The following GAS7 variants were observed in gnomAD, a reference collection of about 807,000 sequenced individuals.
The protein encoded by GAS7 is growth arrest-specific protein 7.
A neutral mutation model predicts 71.1 loss-of-function variants in GAS7; 28 were observed. That is an observed-to-expected ratio of 0.39 (90% CI 0.29 to 0.54). GAS7 has a LOEUF of 0.54. Ranked by LOEUF, GAS7 falls within the 20% of genes least tolerant of loss-of-function variation. The pLI, the probability that GAS7 is intolerant of heterozygous loss-of-function variation, is 0.62. For missense variants in GAS7, 436 were observed against 627.8 expected (o/e 0.69, Z 3.27); for synonymous variants, 258 against 245.8 (o/e 1.05, Z -0.46).
chr17:9,989,234 C>G lies in GAS7; in HGVS notation c.305-7350G>C, dbSNP rs115440269. On this transcript the variant is annotated intron_variant, in intron 2 of 13. Coordinates refer to ENST00000432992, the MANE Select transcript of GAS7 (RefSeq NM_201433.2). ...GACCACCATTTTCTGGCCACACTCA[C>G]CGTGTCTGAGCTCTAGGCTGGGACT... is the stretch of plus-strand genomic sequence containing the variant. Among the ~76,000 whole-genome samples, 1,210 of 152,218 alleles carry G rather than the reference C, an allele frequency of 7.9e-3. 16 individuals are homozygous for G. Among genetic ancestry groups the G allele is most frequent in the African/African-American group, 0.027 (1,135 of 41,520 alleles).
rs529229140 is a variant in GAS7, at chr17:9,916,888, G to T, written c.*340C>A. ...GAGCCAGCTGGAGGAAGAGCCTTGGGGCTTCCAGGGCACAAGCATGTGACA... is the reference window on the plus strand; with the variant it reads ...GAGCCAGCTGGAGGAAGAGCCTTGGTGCTTCCAGGGCACAAGCATGTGACA... On this transcript the variant is annotated 3_prime_UTR_variant, in exon 14 of 14. Coordinates refer to ENST00000432992, the MANE Select transcript of GAS7 (RefSeq NM_201433.2). The T allele has an allele frequency of 4.3e-5, 20 of 464,706 alleles. No individual in the cohort carries two copies. Among genetic ancestry groups the T allele is most frequent in the Non-Finnish European group, 7.2e-5 (19 of 262,876 alleles). 28.8% of individuals were successfully genotyped at this position (464,706 alleles called of 1,614,324 possible).
intron 4 of GAS7, among the ~76,000 whole-genome samples, chr17:9,965,711 C>A (rs2069678271): frequency 6.6e-6 from 1 of 152,192 alleles, no homozygotes; most frequent in African/African-American, 2.4e-5. Context: ...CGCCTTTGAT[C>A]CCTCGCCTCT....
intron 1 of GAS7, among the ~76,000 whole-genome samples, chr17:10,115,640 GCC>G (rs34058932): frequency 0.24 from 37,055 of 151,942 alleles, 4,620 homozygotes; most frequent in African/African-American, 0.3. Context: ...CACAACTCTT[GCC>G]CATACTTATT....
chr17:10,190,401 G>T (rs750131092), intron 1 of GAS7, among the ~76,000 whole-genome samples: 1 of 151,884 alleles, frequency 6.6e-6, no homozygotes, highest in African/African-American at 2.4e-5. Context: ...TGACCAGCGT[G>T]GTGAAACCCC....
intron 1 of GAS7, chr17:10,036,478 G>T (rs369100355): frequency 6.2e-7 from 1 of 1,613,616 alleles, no homozygotes; most frequent in East Asian, 2.2e-5. Flanking sequence ...TACCTCAGAG[G>T]AGAGTCTTGG....
intron 1 of GAS7, among the ~76,000 whole-genome samples, chr17:10,081,854 T>C (rs1786686966): frequency 6.6e-6 from 1 of 152,326 alleles, no homozygotes; most frequent in East Asian, 1.9e-4. Flanking sequence ...AATTTGACAC[T>C]ATTTAGGAAA....
Position 10,198,474 on chromosome 17 carries a change from G to T in GAS7, c.-84C>A. 1 of 1,062,038 alleles carries T rather than the reference G, an allele frequency of 9.4e-7. No individual in the cohort carries two copies. The highest frequency in any genetic ancestry group is 1.7e-5 in the African/African-American group (1 of 59,074). The allele number at this position is 1,062,038 out of a possible 1,614,324, so 65.8% of individuals were successfully genotyped here. On this transcript the variant is annotated 5_prime_UTR_variant, in exon 1 of 14. Coordinates refer to ENST00000432992, the MANE Select transcript of GAS7 (RefSeq NM_201433.2). ...GCAGCGGCTCCGCGGGGTCCCAGGC[G>T]CCCGGCGCTCCGGGCTCCCGCGCTC...
intron 1 of GAS7, among the ~76,000 whole-genome samples, chr17:10,027,683 C>T (rs759880204): frequency 6.6e-6 from 1 of 152,210 alleles, no homozygotes; most frequent in Non-Finnish European, 1.5e-5. Context: ...CACCAGACAA[C>T]AGAACCTGCC....
chr17:10,111,785 G>A (rs184295672), intron 1 of GAS7, among the ~76,000 whole-genome samples: 182 of 152,298 alleles, frequency 1.2e-3, no homozygotes, highest in Non-Finnish European at 2.3e-3. Context: ...TCCAATAGGC[G>A]AAATTCGGGA....
At position 10,058,290 on chromosome 17, in the gene GAS7, CA is replaced by C. The variant is rs1361509043; in HGVS notation, c.184-38394del. ...AAAACAAAAACAAAACAAAACAAAG[CA>C]AACAAAAAAAAATTAGCCAGGTGTG... is the stretch of plus-strand genomic sequence containing the variant. On this transcript the variant is annotated intron_variant, in intron 1 of 13. Transcript: ENST00000432992. Among the ~76,000 whole-genome samples, 19 of 151,670 alleles carry C rather than the reference CA, an allele frequency of 1.3e-4. No homozygotes were observed. In the South Asian group the frequency reaches 3.7e-3, roughly 30 times the overall value.
chr17:10,120,262 C>G (rs2073894113), intron 1 of GAS7, among the ~76,000 whole-genome samples: 1 of 152,188 alleles, frequency 6.6e-6, no homozygotes, highest in Non-Finnish European at 1.5e-5. Flanking sequence ...CCACCTCCCT[C>G]CATTCTTGCA....
chr17:10,099,386 A>C (rs984333506), intron 1 of GAS7, among the ~76,000 whole-genome samples: 3 of 152,164 alleles, frequency 2.0e-5, no homozygotes, highest in African/African-American at 7.2e-5. Context: ...GTACAACCAG[A>C]GCAGGCAGGG....
At chr17:9,976,496 C>T (rs896490672) in intron 3 of GAS7, among the ~76,000 whole-genome samples, 9 of 152,172 alleles carry the variant, frequency 5.9e-5, no homozygotes, top group Admixed American at 2.6e-4. Context: ...AAGGTGTGGG[C>T]GAGGGTGAGG....
intron 1 of GAS7, among the ~76,000 whole-genome samples, chr17:10,122,008 G>A (rs370448837): frequency 6.6e-6 from 1 of 152,128 alleles, no homozygotes; most frequent in African/African-American, 2.4e-5. Context: ...AAGGCACTGA[G>A]GCACAATCCG....
In GAS7 at chr17:9,959,473, C is replaced by T; in HGVS notation, c.472-218G>A. ...GGCTGAAGGCGAATTAAGGAAGCCT[C>T]CTGCACAGGCTCTGAGAGAACTGCT... On this transcript the variant is annotated intron_variant, in intron 4 of 13. Coordinates refer to ENST00000432992, the MANE Select transcript of GAS7 (RefSeq NM_201433.2). This position sits in a 1 kb window ranked among gnomAD's most constrained non-coding sequence, Gnocchi z 5.0. 1 of 1,421,042 alleles carries T rather than the reference C, an allele frequency of 7.0e-7. No homozygotes were observed. The allele number at this position is 1,421,042 out of a possible 1,614,324, so 88.0% of individuals were successfully genotyped here.
At chr17:10,068,706 G>T (rs541760623) in intron 1 of GAS7, among the ~76,000 whole-genome samples, 2 of 152,086 alleles carry the variant, frequency 1.3e-5, no homozygotes, top group Non-Finnish European at 2.9e-5. Context: ...TGAGGCTGCA[G>T]TGAGCTAGGA....
At chr17:10,148,909 C>CTAAA (rs2074142752) in intron 1 of GAS7, among the ~76,000 whole-genome samples, 3 of 117,308 alleles carry the variant, frequency 2.6e-5, no homozygotes, top group Admixed American at 9.6e-5. Flanking sequence ...GACTCCGCCT[C>CTAAA]AAAAAAAAAA....
At chr17:10,084,155 G>A (rs77322803) in intron 1 of GAS7, among the ~76,000 whole-genome samples, 3 of 152,012 alleles carry the variant, frequency 2.0e-5, no homozygotes, top group South Asian at 2.1e-4. Context: ...GCAATAGAGC[G>A]AGACTCCATC....
intron 1 of GAS7, among the ~76,000 whole-genome samples, chr17:10,085,704 A>G (rs1014095326): frequency 2.8e-5 from 4 of 145,376 alleles, no homozygotes; most frequent in Non-Finnish European, 5.9e-5. Flanking sequence ...AAAAAAAAAA[A>G]AAAAAGAAAG....
Sources: gnomAD v4.1 joint callset for allele counts (sites outside exome capture counted in the v4.1 genomes callset) on GRCh38, gnomAD v4.1.1 for gene constraint, Gnocchi (gnomAD v3.1) non-coding constraint, MANE v1.5 for transcripts, NCBI Gene and HGNC (gene_info 2026-07-23, HGNC 2026-07-21) for gene names.